The following CYP4A22 variants were observed in gnomAD, a reference collection of about 807,000 sequenced individuals.
CYP4A22 encodes the protein cytochrome P450 family 4 subfamily A member 22, also known as cytochrome P450 4A22.
A neutral mutation model predicts 56.2 loss-of-function variants in CYP4A22; 46 were observed. The observed-to-expected ratio is 0.82, with a 90% CI of 0.65 to 1.05. The LOEUF (loss-of-function observed/expected upper bound fraction) is 1.05, where lower values mean the gene tolerates loss of function less well. Ranked by LOEUF, CYP4A22 falls within the 50% of genes least tolerant of loss-of-function variation. The probability of loss-of-function intolerance (pLI) is 0.00; values close to 1 mark genes in which losing one functional copy is unlikely to be tolerated. For synonymous variants in CYP4A22, 193 were observed against 251.1 expected (o/e 0.77, Z 2.19); for missense variants, 541 against 645.9 (o/e 0.84, Z 1.76).
At chr1:47,140,055 G>A (rs572423452) in intron 1 of CYP4A22, among the ~76,000 whole-genome samples, 1 of 152,176 alleles carries the variant, frequency 6.6e-6, no homozygotes, top group Non-Finnish European at 1.5e-5. Flanking sequence ...GAAAAGAGAA[G>A]TTGAAGCCAG....
At chr1:47,143,729 C>T (rs1451207699) in intron 5 of CYP4A22, 33 bp from the exon 6 acceptor site, 2 of 1,578,096 alleles carry the variant, frequency 1.3e-6, no homozygotes, top group South Asian at 2.4e-5. Flanking sequence ...GGGCCCACCC[C>T]TACTGCGGTC....
In CYP4A22 at chr1:47,140,923, T is replaced by A. The variant is rs751405432; in HGVS notation, c.337+2T>A. On this transcript the variant is annotated splice_donor_variant, in intron 2 of 11. Transcript: ENST00000371891. LOFTEE classifies it high-confidence loss of function. ...TGAAGGTGATTCTGGGGAGATCAGG[T>A]GAGATCGAACCCCCATCCCAACTGC... The A allele has an allele frequency of 6.2e-7, 1 of 1,613,816 alleles. No individual in the cohort carries two copies. The highest frequency in any genetic ancestry group is 2.2e-5 in the East Asian group (1 of 44,886).
intron 4 of CYP4A22, 111 bp downstream of exon 4, chr1:47,142,346 C>G: frequency 1.4e-6 from 2 of 1,455,786 alleles, no homozygotes; most frequent in Non-Finnish European, 1.8e-6. Flanking sequence ...ACACATGGAA[C>G]AACACTCTCA....
intron 9 of CYP4A22, among the ~76,000 whole-genome samples, chr1:47,145,522 A>C (rs576603690): frequency 6.6e-6 from 1 of 152,322 alleles, no homozygotes; most frequent in African/African-American, 2.4e-5. Flanking sequence ...GAGCAAAAGA[A>C]TGTCTTCCTT....
Position 47,147,724 on chromosome 1 carries a change from G to A in CYP4A22, c.1365-878G>A, listed in dbSNP as rs567263836. Among the ~76,000 whole-genome samples, 17 of 152,298 alleles carry A rather than the reference G, an allele frequency of 1.1e-4. No individual in the cohort carries two copies. In the South Asian group the frequency reaches 3.5e-3, roughly 32 times the overall value. The stretch of plus-strand genomic sequence containing the variant: ...GATGTGGCAGGCAGAGGTGGAGGGA[G>A]GACATTCTCAGCCATCTCCACATGA... On this transcript the variant is annotated intron_variant, in intron 11 of 11. Coordinates refer to ENST00000371891, the MANE Select transcript of CYP4A22 (RefSeq NM_001010969.4).
In CYP4A22 at chr1:47,149,320, A is replaced by G. The variant is rs1126749; in HGVS notation, c.*523A>G. On this transcript the variant is annotated 3_prime_UTR_variant, in exon 12 of 12. Transcript: ENST00000371891. ...AACCTGCTCTCCATTATCTCAAGTAACAGAGCAGATGCTAAACCGTCACAG... is the reference window on the plus strand; with the variant it reads ...AACCTGCTCTCCATTATCTCAAGTAGCAGAGCAGATGCTAAACCGTCACAG... 0.13 allele frequency: 19,011 copies of G among 141,794 alleles called. 573 individuals carry two copies. Among genetic ancestry groups the G allele is most frequent in the East Asian group, 0.26 (1,242 of 4,724 alleles). The allele number at this position is 141,794 out of a possible 1,614,324, so 8.8% of individuals were successfully genotyped here.
At position 47,146,306 on chromosome 1, in the gene CYP4A22, G is replaced by A. The variant is rs1393715454; in HGVS notation, c.1364+153G>A. The A allele has an allele frequency of 3.2e-5, 50 of 1,542,040 alleles. 1 individual carries two copies. The highest frequency in any genetic ancestry group is 3.9e-5 in the Non-Finnish European group (45 of 1,142,714). On this transcript the variant is annotated intron_variant, in intron 11 of 11. Transcript: ENST00000371891. ...GGAAAGTCAGGCACCTGGTGTGGGC[G>A]TCTCTGTGTACAAAAGGAAGGTGGC... is the stretch of plus-strand genomic sequence containing the variant.
chr1:47,143,091 A>G (rs1446626934), intron 4 of CYP4A22, among the ~76,000 whole-genome samples, 178 bp from the exon 5 acceptor site: 1 of 152,282 alleles, frequency 6.6e-6, no homozygotes, highest in African/African-American at 2.4e-5. Context: ...GTTTACCAAC[A>G]CTGGCTTTAC....
At chr1:47,146,578 C>G (rs1645078959) in intron 11 of CYP4A22, 1 of 1,038,912 alleles carries the variant, frequency 9.6e-7, no homozygotes, top group African/African-American at 1.7e-5. Context: ...CACTACCTTC[C>G]CTATTTAATT....
Position 47,148,715 on chromosome 1 carries a change from G to C in CYP4A22, c.1478G>C (p.Arg493Pro). The C allele has an allele frequency of 1.2e-6, 2 of 1,614,022 alleles. No homozygotes were observed. Among genetic ancestry groups the C allele is most frequent in the Non-Finnish European group, 8.5e-7 (1 of 1,179,936 alleles). Reference sequence around the variant, plus strand: ...ACCAGGATCCCCATCCCCATGGCACGACTTGTGTTGAAATCCAAAAATGGA... The same window carrying C: ...ACCAGGATCCCCATCCCCATGGCACCACTTGTGTTGAAATCCAAAAATGGA... ...DPTRIPIPMA[R>P]LVLKSKNGIH... The change falls in exon 12 of 12, where the codon CGA becomes CCA. Residue 493 changes from arginine (R) to proline (P), a missense_variant. Physicochemically the swap from Arg to Pro is moderately radical, Grantham distance 103 (BLOSUM62 -2). Transcript: ENST00000371891.
intron 10 of CYP4A22, 72 bp downstream of exon 10, chr1:47,146,002 G>C: frequency 1.9e-6 from 3 of 1,614,000 alleles, no homozygotes; most frequent in Admixed American, 1.7e-5. Flanking sequence ...TCCACCTCTG[G>C]GAGTACTGTA....
chr1:47,148,795 T>C lies in CYP4A22; in HGVS notation c.1558T>C (p.Ter520ArgextTer10). 6.2e-7 allele frequency: 1 copy of C among 1,600,234 alleles called. No homozygotes were observed. The highest frequency in any genetic ancestry group is 8.5e-7 in the Non-Finnish European group (1 of 1,171,986). ...CCCTTGTGAAGACAAGGACCAGCTTTGAGGGCCTCCACCTGCCATCCTGTC... is the reference window on the plus strand; with the variant it reads ...CCCTTGTGAAGACAAGGACCAGCTTCGAGGGCCTCCACCTGCCATCCTGTC... The part of the protein sequence containing the change: ...PNPCEDKDQL[*>R] The change falls in exon 12 of 12, where the codon TGA becomes CGA. Residue 520 changes from the stop codon to arginine, a stop_lost. Coordinates refer to ENST00000371891, the MANE Select transcript of CYP4A22 (RefSeq NM_001010969.4).
intron 4 of CYP4A22, 136 bp downstream of exon 4, chr1:47,142,371 G>A (rs550903698): frequency 7.4e-7 from 1 of 1,353,964 alleles, no homozygotes; most frequent in Non-Finnish European, 9.7e-7. Flanking sequence ...ATTGCTGTGA[G>A]AGTAGAGGGT....
At chr1:47,141,733 G>T in intron 3 of CYP4A22, 118 bp downstream of exon 3, 2 of 1,347,962 alleles carry the variant, frequency 1.5e-6, no homozygotes, top group Non-Finnish European at 1.0e-6. Context: ...CCCAAATCAA[G>T]CCTCATTTCC....
chr1:47,146,756 A>C (rs1248856939), intron 11 of CYP4A22: 1 of 988,230 alleles, frequency 1.0e-6, no homozygotes, highest in East Asian at 1.1e-4. Context: ...GTCTTGCCCA[A>C]TGACATTTTT....
chr1:47,145,871 A>G lies in CYP4A22; in HGVS notation c.1228A>G (p.Met410Val), dbSNP rs1645070190. The G allele has an allele frequency of 6.2e-7, 1 of 1,614,086 alleles. No homozygotes were observed. Among genetic ancestry groups the G allele is most frequent in the East Asian group, 2.2e-5 (1 of 44,870 alleles). Residue 410 changes from methionine to valine, a missense_variant, in exon 10 of 12, where the codon ATG becomes GTG. This residue lies in a region of CYP4A22 where 204 missense variants were observed against 258.9 expected (regional missense o/e 0.79). Coordinates refer to ENST00000371891, the MANE Select transcript of CYP4A22 (RefSeq NM_001010969.4). ...CTTTCCAACCTGCACCACAGGTATCATGGTCCTCCTCTCCATTTATGGCCT... is the reference window on the plus strand; with the variant it reads ...CTTTCCAACCTGCACCACAGGTATCGTGGTCCTCCTCTCCATTTATGGCCT... ...PDGRSLPKGIMVLLSIYGLHH... is the reference protein window; with the variant it reads ...PDGRSLPKGIVVLLSIYGLHH...
Position 47,148,641 on chromosome 1 carries a change from G to C in CYP4A22, c.1404G>C (p.Lys468Asn). The C allele has an allele frequency of 1.9e-6, 3 of 1,613,266 alleles. No individual in the cohort carries two copies. Among genetic ancestry groups the C allele is most frequent in the Non-Finnish European group, 2.5e-6 (3 of 1,179,598 alleles). The change falls in exon 12 of 12, where the codon AAG becomes AAC. Residue 468 changes from lysine (K) to asparagine (N), a missense_variant. Physicochemically the swap from Lys to Asn is moderately conservative, Grantham distance 94. Around this residue, in one of 3 missense-constraint regions of CYP4A22, gnomAD observed 204 missense variants for 258.9 expected, o/e 0.79. Coordinates refer to ENST00000371891, the MANE Select transcript of CYP4A22 (RefSeq NM_001010969.4). ...AACAATTTGCCATGAACCAGCTGAA[G>C]GTGGCCAGGGCCCTGACCCTGCTCC... ...IGKQFAMNQL[K>N]VARALTLLRF...
chr1:47,140,836 TG>T lies in CYP4A22; in HGVS notation c.253del (p.Ala85ProfsTer21). 1 of 1,614,148 alleles carries T rather than the reference TG, an allele frequency of 6.2e-7. No individual in the cohort carries two copies. Among genetic ancestry groups the T allele is most frequent in the Non-Finnish European group, 8.5e-7 (1 of 1,180,012 alleles). On this transcript the variant is annotated frameshift_variant, in exon 2 of 12. Transcript: ENST00000371891. LOFTEE classifies it high-confidence loss of function. ...AGGAACGGGTGAAGACATTCCCAAG[TG>T]CCTGTCCTTATTGGATATGGGGAGG... ...IQERVKTFPS[A>X]CPYWIWGGKV...
chr1:47,141,134 C>G, intron 2 of CYP4A22, among the ~76,000 whole-genome samples: 1 of 152,128 alleles, frequency 6.6e-6, no homozygotes, highest in East Asian at 1.9e-4. Context: ...ATTTTCTATT[C>G]TTTTTTCTAT....
Sources: gnomAD v4.1 joint callset for allele counts (sites outside exome capture counted in the v4.1 genomes callset) on GRCh38, gnomAD v4.1.1 for gene constraint, gnomAD v4.1.1 regional missense constraint, MANE v1.5 for transcripts, NCBI Gene and HGNC (gene_info 2026-07-23, HGNC 2026-07-21) for gene names.